The following KCNH7 variants were observed in gnomAD, a reference collection of about 807,000 sequenced individuals.
KCNH7 encodes voltage-gated inwardly rectifying potassium channel KCNH7.
Under a neutral mutation model 120.8 loss-of-function variants are expected in KCNH7, and 49 were observed. The ratio of observed to expected loss-of-function variants is 0.41; its 90% confidence interval spans 0.32 to 0.51. The LOEUF is 0.51. KCNH7 is among the 20% of genes least tolerant of loss of function. KCNH7 has a pLI of 0.38. For missense variants in KCNH7, 1,097 were observed against 1,446.6 expected (o/e 0.76, Z 3.92); for synonymous variants, 547 against 516.1 (o/e 1.06, Z -0.81).
chr2:162,752,646 C>T (rs532604569), intron 2 of KCNH7, among the ~76,000 whole-genome samples: 37 of 152,030 alleles, frequency 2.4e-4, no homozygotes, highest in African/African-American at 8.2e-4. Context: ...CGTCTGTAAT[C>T]CCAGCACTTT....
intron 2 of KCNH7, among the ~76,000 whole-genome samples, chr2:162,657,940 A>G (rs779160935): frequency 3.3e-5 from 5 of 152,076 alleles, no homozygotes; most frequent in Non-Finnish European, 7.4e-5. Flanking sequence ...CTACAAATAT[A>G]TAAGTTGAAA....
At chr2:162,746,543 T>C (rs1015063659) in intron 2 of KCNH7, among the ~76,000 whole-genome samples, 6 of 152,110 alleles carry the variant, frequency 3.9e-5, no homozygotes, top group Non-Finnish European at 8.8e-5. Flanking sequence ...CTTTACACTT[T>C]TTTTTCCCTG....
chr2:162,543,208 A>T (rs990836488), intron 2 of KCNH7, among the ~76,000 whole-genome samples: 9 of 152,224 alleles, frequency 5.9e-5, no homozygotes, highest in East Asian at 1.9e-4. Context: ...GCTGGCAAAA[A>T]GTTGGCAGTG....
At chr2:162,705,244 C>T (rs57868709) in intron 2 of KCNH7, among the ~76,000 whole-genome samples, 1 of 152,068 alleles carries the variant, frequency 6.6e-6, no homozygotes, top group African/African-American at 2.4e-5. Context: ...ACCATAAGAA[C>T]ATTCTTTAGT....
At chr2:162,603,034 T>C (rs1372829826) in intron 2 of KCNH7, among the ~76,000 whole-genome samples, 2 of 151,666 alleles carry the variant, frequency 1.3e-5, no homozygotes, top group African/African-American at 4.8e-5. Flanking sequence ...GTTGGACTAG[T>C]CCAGCATCAT....
intron 2 of KCNH7, among the ~76,000 whole-genome samples, chr2:162,635,658 CTTT>C (rs933268777): frequency 6.6e-6 from 1 of 152,074 alleles, no homozygotes; most frequent in African/African-American, 2.4e-5. Context: ...TTCACCTCTT[CTTT>C]GTCTTTGTTG....
chr2:162,523,724 A>G (rs996543609), intron 3 of KCNH7, among the ~76,000 whole-genome samples: 1 of 151,930 alleles, frequency 6.6e-6, no homozygotes. Context: ...TCTCTGCAAA[A>G]TTATCCATCT....
At chr2:162,804,990 C>T (rs1684489573) in intron 2 of KCNH7, among the ~76,000 whole-genome samples, 1 of 151,682 alleles carries the variant, frequency 6.6e-6, no homozygotes. Flanking sequence ...GGGGAAAGGA[C>T]ATCCTATTTA....
At chr2:162,532,977 A>C (rs568014491) in intron 3 of KCNH7, among the ~76,000 whole-genome samples, 2 of 151,916 alleles carry the variant, frequency 1.3e-5, no homozygotes, top group Non-Finnish European at 1.5e-5. Context: ...CGAAAACTGC[A>C]TGGTGGGAAG....
In KCNH7 at chr2:162,469,516, A is replaced by G. The variant is rs575274442; in HGVS notation, c.1129-23073T>C. 9.0e-3 allele frequency among the ~76,000 whole-genome samples: 1,198 copies of G among 132,888 alleles called. 17 individuals are homozygous for G. Among genetic ancestry groups the G allele is most frequent in the African/African-American group, 0.048 (1,146 of 23,966 alleles). The allele number at this position is 132,888 out of a possible 152,430, so 87.2% of individuals were successfully genotyped here. ...ACTAGTTGAGTGAATCTTAAAGGAT[A>G]TGTGCTTTTGGTTTTTGTTTGTTTT... On this transcript the variant is annotated intron_variant, in intron 6 of 15. Coordinates refer to ENST00000332142, the MANE Select transcript of KCNH7 (RefSeq NM_033272.4).
intron 2 of KCNH7, among the ~76,000 whole-genome samples, chr2:162,813,632 T>C (rs1684811937): frequency 1.3e-5 from 2 of 152,234 alleles, no homozygotes; most frequent in African/African-American, 4.8e-5. Flanking sequence ...AACAATTCAC[T>C]CAAATTTCTA....
At chr2:162,708,673 G>A (rs1258084244) in intron 2 of KCNH7, among the ~76,000 whole-genome samples, 1 of 152,050 alleles carries the variant, frequency 6.6e-6, no homozygotes, top group East Asian at 1.9e-4. Context: ...GTGCCAAAGA[G>A]AACCACTAGA....
intron 14 of KCNH7, among the ~76,000 whole-genome samples, chr2:162,376,016 A>G (rs78410446): frequency 0.012 from 1,784 of 152,326 alleles, 16 homozygotes; most frequent in Middle Eastern, 0.017. Flanking sequence ...AACAGAAAAT[A>G]ACATAGTTTT....
chr2:162,757,322 TC>T (rs1688819408), intron 2 of KCNH7, among the ~76,000 whole-genome samples: 1 of 152,112 alleles, frequency 6.6e-6, no homozygotes, highest in South Asian at 2.1e-4. Flanking sequence ...CAGACAAATC[TC>T]CCAACATGTA....
At chr2:162,770,649 T>C (rs961045908) in intron 2 of KCNH7, among the ~76,000 whole-genome samples, 32 of 151,786 alleles carry the variant, frequency 2.1e-4, no homozygotes, top group African/African-American at 7.5e-4. Flanking sequence ...TAATACACAT[T>C]ATGAGAAAGT....
chr2:162,645,693 C>A (rs1276479898), intron 2 of KCNH7, among the ~76,000 whole-genome samples: 1 of 152,130 alleles, frequency 6.6e-6, no homozygotes, highest in African/African-American at 2.4e-5. Context: ...ACTTCCTTTG[C>A]AAAAGAGGAT....
At chr2:162,609,758 G>A (rs988043369) in intron 2 of KCNH7, among the ~76,000 whole-genome samples, 1 of 152,152 alleles carries the variant, frequency 6.6e-6, no homozygotes, top group African/African-American at 2.4e-5. Context: ...GCTCCCAAAA[G>A]AGACTGAGAC....
chr2:162,828,114 T>C (rs1238308617), intron 2 of KCNH7, among the ~76,000 whole-genome samples: 1 of 152,134 alleles, frequency 6.6e-6, no homozygotes, highest in Admixed American at 6.6e-5. Flanking sequence ...CCAGAAGAAA[T>C]TTTAATGGAT....
chr2:162,386,873 A>G (rs1346709585), intron 12 of KCNH7, among the ~76,000 whole-genome samples: 1 of 151,706 alleles, frequency 6.6e-6, no homozygotes, highest in Non-Finnish European at 1.5e-5. Flanking sequence ...TTGGATGCTT[A>G]TGAACAAGAT....
Sources: gnomAD v4.1 joint callset for allele counts (sites outside exome capture counted in the v4.1 genomes callset) on GRCh38, gnomAD v4.1.1 for gene constraint, MANE v1.5 for transcripts, NCBI Gene and HGNC (gene_info 2026-07-23, HGNC 2026-07-21) for gene names.